Variants in NTM observed in about 807,000 individuals in gnomAD.
NTM encodes the protein neurotrimin, also known as IgLON family member 2.
In NTM, 13 loss-of-function variants were observed where a neutral mutation model predicts 42.1. The ratio of observed to expected loss-of-function variants is 0.31; its 90% CI spans 0.20 to 0.49. NTM has a LOEUF of 0.49. NTM is among the 20% of genes least tolerant of loss of function. The probability of loss-of-function intolerance (pLI) is 0.99; values close to 1 mark genes in which losing one functional copy is unlikely to be tolerated. For missense variants in NTM, 373 were observed against 452.8 expected (o/e 0.82, Z 1.60); for synonymous variants, 187 against 179.2 (o/e 1.04, Z -0.35).
chr11:131,510,822 G>A (rs1187845915), intron 1 of NTM, among the ~76,000 whole-genome samples: 1 of 152,154 alleles, frequency 6.6e-6, no homozygotes, highest in Non-Finnish European at 1.5e-5. Flanking sequence ...TGCTGGTGCA[G>A]AGCTCGGCCT....
chr11:131,544,566 C>A (rs895339692), intron 1 of NTM, among the ~76,000 whole-genome samples: 1 of 152,174 alleles, frequency 6.6e-6, no homozygotes, highest in Non-Finnish European at 1.5e-5. Context: ...TTTTCTGTGA[C>A]CCTGAAGGCA....
intron 4 of NTM, among the ~76,000 whole-genome samples, chr11:132,266,846 A>G (rs1267723147): frequency 1.3e-5 from 2 of 152,202 alleles, no homozygotes; most frequent in African/African-American, 4.8e-5. Flanking sequence ...ATTGTTGAAT[A>G]ACTTAGTTGA....
chr11:131,633,328 C>T (rs1413322194), intron 1 of NTM, among the ~76,000 whole-genome samples: 3 of 152,240 alleles, frequency 2.0e-5, no homozygotes, highest in South Asian at 4.1e-4. Context: ...GTCCCATTGA[C>T]TCTAAATGGA....
At chr11:131,453,996 A>G (rs944381191) in intron 1 of NTM, among the ~76,000 whole-genome samples, 1 of 152,170 alleles carries the variant, frequency 6.6e-6, no homozygotes, top group African/African-American at 2.4e-5. Context: ...CTCATCAAAC[A>G]TCGCTCCCAG....
chr11:131,767,603 G>A (rs1232630352), intron 1 of NTM, among the ~76,000 whole-genome samples: 2 of 152,142 alleles, frequency 1.3e-5, no homozygotes, highest in African/African-American at 4.8e-5. Context: ...GCAATGTGAG[G>A]ACACAAAGGA....
At chr11:131,676,473 G>A (rs540416451) in intron 1 of NTM, among the ~76,000 whole-genome samples, 12 of 152,302 alleles carry the variant, frequency 7.9e-5, no homozygotes, top group South Asian at 6.2e-4. Flanking sequence ...GTGTACATGC[G>A]TGTGCGGGGG....
intron 1 of NTM, among the ~76,000 whole-genome samples, chr11:131,649,615 G>A (rs1026946914): frequency 6.6e-6 from 1 of 152,052 alleles, no homozygotes; most frequent in Non-Finnish European, 1.5e-5. Flanking sequence ...GGAGTTAATC[G>A]CCTCGTTCAG....
chr11:131,560,250 T>G (rs750669914), intron 1 of NTM, among the ~76,000 whole-genome samples: 2 of 152,212 alleles, frequency 1.3e-5, no homozygotes, highest in African/African-American at 2.4e-5. Flanking sequence ...TAGGAGGTTT[T>G]CCAGCTTTCT....
At chr11:131,907,405 T>C (rs985772541) in intron 1 of NTM, among the ~76,000 whole-genome samples, 1 of 152,206 alleles carries the variant, frequency 6.6e-6, no homozygotes, top group Non-Finnish European at 1.5e-5. Flanking sequence ...AGAGTACACA[T>C]GGCAGGCTCT....
At chr11:131,428,333 C>T (rs890172988) in intron 1 of NTM, among the ~76,000 whole-genome samples, 8 of 152,228 alleles carry the variant, frequency 5.3e-5, no homozygotes, top group Admixed American at 2.6e-4. Context: ...CCAAAACTGC[C>T]TTTCCAGGCT....
intron 2 of NTM, among the ~76,000 whole-genome samples, chr11:132,071,030 G>T (rs1347793432): frequency 7.2e-6 from 1 of 138,534 alleles, no homozygotes; most frequent in African/African-American, 2.6e-5. Flanking sequence ...TGGTTAACAC[G>T]TCACTCAGCC....
At chr11:131,687,433 C>A (rs1157614636) in intron 1 of NTM, among the ~76,000 whole-genome samples, 1 of 152,192 alleles carries the variant, frequency 6.6e-6, no homozygotes, top group Non-Finnish European at 1.5e-5. Context: ...CCGCTGTGGC[C>A]TGGGCCTTCC....
At chr11:132,288,634 T>G (rs1045657375) in intron 4 of NTM, among the ~76,000 whole-genome samples, 2 of 152,216 alleles carry the variant, frequency 1.3e-5, no homozygotes, top group African/African-American at 2.4e-5. Context: ...TTTCTTTTTT[T>G]TTGGGACAGA....
chr11:132,205,572 T>A (rs1196249432), intron 3 of NTM, among the ~76,000 whole-genome samples: 1 of 152,190 alleles, frequency 6.6e-6, no homozygotes, highest in Non-Finnish European at 1.5e-5. Flanking sequence ...TCTTTCTTCC[T>A]AAACATACCC....
chr11:132,065,076 G>C (rs1263600091), intron 2 of NTM, among the ~76,000 whole-genome samples: 1 of 152,208 alleles, frequency 6.6e-6, no homozygotes, highest in African/African-American at 2.4e-5. Flanking sequence ...GTGCACAGGA[G>C]TGCAGGGCAT....
intron 1 of NTM, among the ~76,000 whole-genome samples, chr11:131,583,311 C>A (rs2058579422): frequency 6.6e-6 from 1 of 152,160 alleles, no homozygotes; most frequent in African/African-American, 2.4e-5. Context: ...CATCCACCTC[C>A]CCAATATACT....
intron 4 of NTM, among the ~76,000 whole-genome samples, chr11:132,280,470 C>G (rs937790901): frequency 1.8e-4 from 24 of 132,548 alleles, no homozygotes; most frequent in Non-Finnish European, 2.5e-4. Context: ...TCCTGATACT[C>G]TCTTCTTTTT....
At chr11:131,668,946 T>C (rs959329830) in intron 1 of NTM, among the ~76,000 whole-genome samples, 1 of 152,194 alleles carries the variant, frequency 6.6e-6, no homozygotes. Flanking sequence ...ACTTTAGTCC[T>C]TGGGGAGACT....
chr11:131,557,718 C>T (rs2055636535), intron 1 of NTM, among the ~76,000 whole-genome samples: 1 of 116,832 alleles, frequency 8.6e-6, no homozygotes, highest in Non-Finnish European at 1.6e-5. Flanking sequence ...TTAGATGCTT[C>T]TTGGAGCATT....
Sources: gnomAD v4.1 joint callset for allele counts (sites outside exome capture counted in the v4.1 genomes callset) on GRCh38, gnomAD v4.1.1 for gene constraint, MANE v1.5 for transcripts, NCBI Gene and HGNC (gene_info 2026-07-23, HGNC 2026-07-21) for gene names.